ASIC2: variants seen among roughly 807,000 people sequenced by gnomAD.
ASIC2 encodes the protein acid-sensing ion channel 2.
ASIC2 carries 25 observed loss-of-function variants against 57.3 expected under a neutral mutation model. The observed-to-expected ratio is 0.44, with a 90% CI of 0.32 to 0.61. The LOEUF (loss-of-function observed/expected upper bound fraction) is 0.61. Among genes scored for constraint, ASIC2 ranks in the 20% least tolerant of loss-of-function variants. ASIC2 has a pLI of 0.06. For missense variants in ASIC2, 641 were observed against 738.1 expected, an observed-to-expected ratio of 0.87 and a Z score of 1.52; for synonymous variants, 319 against 307.5, an observed-to-expected ratio of 1.04 and a Z score of -0.39.
intron 1 of ASIC2, among the ~76,000 whole-genome samples, chr17:34,087,868 C>A (rs549536198): frequency 8.5e-5 from 13 of 152,204 alleles, no homozygotes; most frequent in African/African-American, 3.1e-4. Flanking sequence ...ACATAGTTCT[C>A]GAGCCTTGGC....
At chr17:33,252,681 G>A (rs1908926247) in intron 1 of ASIC2, among the ~76,000 whole-genome samples, 1 of 151,986 alleles carries the variant, frequency 6.6e-6, no homozygotes, top group Admixed American at 6.6e-5. Context: ...GATCTCGTGT[G>A]TCCCTTGCAC....
intron 1 of ASIC2, among the ~76,000 whole-genome samples, chr17:33,522,803 C>T (rs1914781604): frequency 6.6e-6 from 1 of 152,210 alleles, no homozygotes. Flanking sequence ...ACGAGAGCGC[C>T]ACCTCCAGTG....
At chr17:33,590,689 C>T (rs1459646027) in intron 1 of ASIC2, among the ~76,000 whole-genome samples, 1 of 152,166 alleles carries the variant, frequency 6.6e-6, no homozygotes, top group Non-Finnish European at 1.5e-5. Context: ...CTCTACACCA[C>T]ACCCCAATCT....
In ASIC2 at chr17:34,040,028, G is replaced by T. The variant is rs1345557400; in HGVS notation, c.555+115950C>A. Among the ~76,000 whole-genome samples the T allele has an allele frequency of 6.6e-5, 10 of 150,474 alleles. 1 individual carries two copies. Among genetic ancestry groups the T allele is most frequent in the African/African-American group, 2.4e-4 (10 of 40,972 alleles). On this transcript the variant is annotated intron_variant, in intron 1 of 9. Coordinates refer to the ASIC2 transcript ENST00000359872. ...GCAACCCCCCGCCCGGGCAGCCACCGCCGGCGCCGGGCTCCACGAGAGGGC... is the reference window on the plus strand; with the variant it reads ...GCAACCCCCCGCCCGGGCAGCCACCTCCGGCGCCGGGCTCCACGAGAGGGC...
At chr17:33,914,108 C>T (rs145151825) in intron 1 of ASIC2, among the ~76,000 whole-genome samples, 573 of 152,264 alleles carry the variant, frequency 3.8e-3, no homozygotes, top group Non-Finnish European at 6.0e-3. Flanking sequence ...CAAGGTGATG[C>T]ACAACTGAGC....
At chr17:33,058,768 C>T (rs2092008869) in intron 3 of ASIC2, among the ~76,000 whole-genome samples, 1 of 152,080 alleles carries the variant, frequency 6.6e-6, no homozygotes, top group Non-Finnish European at 1.5e-5. Flanking sequence ...TCTCACCTTT[C>T]CAGAAACCAG....
chr17:33,079,974 T>A (rs1344725763), intron 3 of ASIC2, among the ~76,000 whole-genome samples: 1 of 151,882 alleles, frequency 6.6e-6, no homozygotes, highest in African/African-American at 2.4e-5. Context: ...GAAGATGAAT[T>A]TAGTTTTGCC....
At chr17:33,640,867 A>G (rs1352111954) in intron 1 of ASIC2, among the ~76,000 whole-genome samples, 7 of 152,192 alleles carry the variant, frequency 4.6e-5, no homozygotes, top group Non-Finnish European at 8.8e-5. Context: ...AGGAATCCCC[A>G]TAAGCACCTC....
chr17:33,069,766 A>G (rs943264616), intron 3 of ASIC2, among the ~76,000 whole-genome samples: 2 of 152,214 alleles, frequency 1.3e-5, no homozygotes, highest in Admixed American at 6.5e-5. Context: ...ACCAGCATAT[A>G]GTTGAAACTT....
At chr17:33,404,131 T>C (rs895007288) in intron 1 of ASIC2, among the ~76,000 whole-genome samples, 2 of 152,162 alleles carry the variant, frequency 1.3e-5, no homozygotes, top group African/African-American at 4.8e-5. Flanking sequence ...AAGGTTCAAA[T>C]GATAGAGTAA....
intron 1 of ASIC2, chr17:34,037,892 T>C (rs1907953177): frequency 1.2e-6 from 2 of 1,613,878 alleles, no homozygotes; most frequent in Non-Finnish European, 1.7e-6. Flanking sequence ...AGACTGGTTA[T>C]GGCCAAAAGG....
At chr17:33,422,551 G>T (rs1001863863) in intron 1 of ASIC2, among the ~76,000 whole-genome samples, 1 of 152,138 alleles carries the variant, frequency 6.6e-6, no homozygotes, top group Non-Finnish European at 1.5e-5. Flanking sequence ...TGCCCATGGC[G>T]GCTCCATGCT....
chr17:33,814,328 A>G (rs75511443), intron 1 of ASIC2, among the ~76,000 whole-genome samples: 1 of 152,278 alleles, frequency 6.6e-6, no homozygotes, highest in African/African-American at 2.4e-5. Context: ...GGATGCAAAA[A>G]AAGTATCCGT....
intron 3 of ASIC2, among the ~76,000 whole-genome samples, chr17:33,037,025 T>C (rs1159002544): frequency 6.6e-6 from 1 of 150,654 alleles, no homozygotes; most frequent in African/African-American, 2.4e-5. Flanking sequence ...AACTAGGTGA[T>C]GTAATAACAT....
At chr17:34,033,770 T>A (rs1259900556) in intron 1 of ASIC2, among the ~76,000 whole-genome samples, 8 of 152,094 alleles carry the variant, frequency 5.3e-5, no homozygotes, top group African/African-American at 1.9e-4. Context: ...CTAGAAGAAA[T>A]GGATAAATTT....
intron 1 of ASIC2, among the ~76,000 whole-genome samples, chr17:33,587,107 T>C (rs1904665440): frequency 6.6e-6 from 1 of 152,252 alleles, no homozygotes; most frequent in African/African-American, 2.4e-5. Context: ...GAACACAGCC[T>C]ATTCACTTAC....
rs185436885 is a variant in ASIC2, at chr17:33,165,928, G to A, written c.709-53861C>T. On this transcript the variant is annotated intron_variant, in intron 1 of 9. Transcript: ENST00000225823. Reference sequence around the variant, plus strand: ...TTGGAGACCAATTGACATATTCCAAGCAGTGTGTGGAGGCATGGGAGGGTA... The same window carrying A: ...TTGGAGACCAATTGACATATTCCAAACAGTGTGTGGAGGCATGGGAGGGTA... 1.0e-3 allele frequency among the ~76,000 whole-genome samples: 155 copies of A among 152,206 alleles called. 1 individual carries two copies. The highest frequency in any genetic ancestry group is 2.0e-3 in the Non-Finnish European group (136 of 68,014).
intron 1 of ASIC2, among the ~76,000 whole-genome samples, chr17:33,542,227 G>A (rs529790510): frequency 6.6e-6 from 1 of 151,958 alleles, no homozygotes; most frequent in African/African-American, 2.4e-5. Flanking sequence ...TGTCTTTATA[G>A]CAGCATGATT....
intron 1 of ASIC2, among the ~76,000 whole-genome samples, chr17:34,099,118 G>A (rs62059041): frequency 1.3e-3 from 34 of 26,446 alleles, no homozygotes; most frequent in African/African-American, 4.1e-3. Context: ...GAGAGAGAGA[G>A]AGAGAGAGAG....
Sources: gnomAD v4.1 joint callset for allele counts (sites outside exome capture counted in the v4.1 genomes callset) on GRCh38, gnomAD v4.1.1 for gene constraint, MANE v1.5 for transcripts, NCBI Gene and HGNC (gene_info 2026-07-23, HGNC 2026-07-21) for gene names.